Variants in SLIT3 observed in about 807,000 individuals in gnomAD.
The protein encoded by SLIT3 is slit guidance ligand 3, also known as slit homolog 3 protein.
Under a neutral mutation model 184.0 loss-of-function variants are expected in SLIT3, and 68 were observed. The observed-to-expected ratio is 0.37, with a 90% CI of 0.30 to 0.45. The LOEUF (loss-of-function observed/expected upper bound fraction) is 0.45, where lower values mean the gene tolerates loss of function less well. Among genes scored for constraint, SLIT3 ranks in the 20% least tolerant of loss-of-function variants. The probability of loss-of-function intolerance (pLI) is 1.00; values close to 1 mark genes in which losing one functional copy is unlikely to be tolerated. For synonymous variants in SLIT3, 831 were observed against 828.6 expected, an observed-to-expected ratio of 1.00 and a Z score of -0.05; for missense variants, 1,707 against 2,026.0, an observed-to-expected ratio of 0.84 and a Z score of 3.02.
At chr5:168,962,024 T>C (rs920578593) in intron 4 of SLIT3, among the ~76,000 whole-genome samples, 7 of 152,112 alleles carry the variant, frequency 4.6e-5, no homozygotes, top group Non-Finnish European at 1.0e-4. Flanking sequence ...TCCTCCACGG[T>C]ACAGAATTGC....
intron 4 of SLIT3, among the ~76,000 whole-genome samples, chr5:168,888,480 T>C (rs1036096005): frequency 6.6e-6 from 1 of 152,210 alleles, no homozygotes; most frequent in African/African-American, 2.4e-5. Context: ...CCCCAAAGTA[T>C]TCCTAAGAAG....
At chr5:169,082,098 C>T (rs1034071086) in intron 4 of SLIT3, among the ~76,000 whole-genome samples, 2 of 152,198 alleles carry the variant, frequency 1.3e-5, no homozygotes, top group African/African-American at 2.4e-5. Context: ...GAAAACAACT[C>T]GGAGAGGTGT....
chr5:168,821,925 CT>C (rs1175129038), intron 7 of SLIT3, among the ~76,000 whole-genome samples: 1 of 152,156 alleles, frequency 6.6e-6, no homozygotes, highest in African/African-American at 2.4e-5. Flanking sequence ...CTTCTTTGGT[CT>C]TTGTTTTATC....
chr5:169,198,977 T>C (rs297848), intron 3 of SLIT3, among the ~76,000 whole-genome samples: 22,332 of 109,178 alleles, frequency 0.2, 1,933 homozygotes, highest in East Asian at 0.48. Flanking sequence ...CACACACACA[T>C]ATGTGTGTAT....
chr5:169,195,439 G>A (rs575190917), intron 3 of SLIT3, among the ~76,000 whole-genome samples: 82 of 152,352 alleles, frequency 5.4e-4, no homozygotes, highest in African/African-American at 1.8e-3. Context: ...AGCCATCCAC[G>A]AGACTCCTGA....
At chr5:168,865,218 T>C (rs1159299699) in intron 5 of SLIT3, among the ~76,000 whole-genome samples, 1 of 84,140 alleles carries the variant, frequency 1.2e-5, no homozygotes, top group Non-Finnish European at 2.7e-5. Context: ...GGAAAAAAAA[T>C]AAAATCACTC....
chr5:169,168,089 C>T (rs1249781821), intron 4 of SLIT3, among the ~76,000 whole-genome samples: 1 of 152,152 alleles, frequency 6.6e-6, no homozygotes, highest in Non-Finnish European at 1.5e-5. Flanking sequence ...TGTGGGAGCT[C>T]CTCCCCATCT....
intron 4 of SLIT3, among the ~76,000 whole-genome samples, chr5:168,996,476 C>T (rs1270970285): frequency 1.3e-5 from 2 of 152,170 alleles, no homozygotes; most frequent in African/African-American, 4.8e-5. Flanking sequence ...CCCCCTGCCC[C>T]AAACCTATGC....
intron 3 of SLIT3, among the ~76,000 whole-genome samples, chr5:169,221,302 C>T (rs982322421): frequency 2.6e-5 from 4 of 152,306 alleles, no homozygotes; most frequent in East Asian, 3.9e-4. Flanking sequence ...TCAGAAAATT[C>T]GTGCTTTCTC....
At chr5:169,240,912 A>G (rs918822446) in intron 3 of SLIT3, among the ~76,000 whole-genome samples, 3 of 151,460 alleles carry the variant, frequency 2.0e-5, no homozygotes, top group Non-Finnish European at 4.4e-5. Context: ...ACAGATTTCA[A>G]CATACATCTT....
At chr5:169,162,125 T>C (rs893521915) in intron 4 of SLIT3, among the ~76,000 whole-genome samples, 6 of 152,218 alleles carry the variant, frequency 3.9e-5, no homozygotes, top group Admixed American at 3.9e-4. Context: ...TTGAGAGTTC[T>C]AGAAACTTGC....
chr5:168,906,640 A>C (rs1416328331), intron 4 of SLIT3, among the ~76,000 whole-genome samples: 1 of 152,142 alleles, frequency 6.6e-6, no homozygotes, highest in African/African-American at 2.4e-5. Context: ...GGAATCTTCT[A>C]TATATATATT....
intron 4 of SLIT3, among the ~76,000 whole-genome samples, chr5:169,117,971 G>C (rs1311743326): frequency 6.6e-6 from 1 of 152,142 alleles, no homozygotes; most frequent in Non-Finnish European, 1.5e-5. Context: ...ACAATGTTAT[G>C]GTTGTCACAT....
intron 4 of SLIT3, among the ~76,000 whole-genome samples, chr5:169,013,631 C>G (rs987538926): frequency 6.6e-6 from 1 of 152,260 alleles, no homozygotes; most frequent in South Asian, 2.1e-4. Flanking sequence ...CTCTTACGCC[C>G]GTTCTGAGAT....
chr5:169,261,848 G>A (rs1469029585), intron 1 of SLIT3, among the ~76,000 whole-genome samples: 2 of 152,198 alleles, frequency 1.3e-5, no homozygotes, highest in Non-Finnish European at 2.9e-5. Flanking sequence ...GGACGGCAAT[G>A]CCCGTCTTGC....
At chr5:169,154,292 CA>C (rs1762226349) in intron 4 of SLIT3, among the ~76,000 whole-genome samples, 21 of 152,300 alleles carry the variant, frequency 1.4e-4, no homozygotes, top group African/African-American at 4.1e-4. Context: ...CTCTGGGTAA[CA>C]TAGACTCTTA....
intron 4 of SLIT3, among the ~76,000 whole-genome samples, chr5:169,003,813 G>T (rs1755809581): frequency 6.6e-6 from 1 of 151,996 alleles, no homozygotes; most frequent in Non-Finnish European, 1.5e-5. Context: ...ACTAATGTTG[G>T]GGTTGTGGCT....
intron 4 of SLIT3, among the ~76,000 whole-genome samples, chr5:168,937,642 A>G (rs945495225): frequency 1.3e-5 from 2 of 152,140 alleles, no homozygotes; most frequent in Non-Finnish European, 2.9e-5. Context: ...GGAAGCAACT[A>G]GGATGGTGGT....
At chr5:168,844,276 T>C (rs1229409365) in intron 6 of SLIT3, among the ~76,000 whole-genome samples, 2 of 152,092 alleles carry the variant, frequency 1.3e-5, no homozygotes, top group African/African-American at 4.8e-5. Context: ...GCCCATCTGT[T>C]TCTCCCAGCA....
Sources: allele counts gnomAD v4.1 joint callset (sites outside exome capture counted in the v4.1 genomes callset), GRCh38; gene constraint gnomAD v4.1.1; transcripts MANE v1.5; gene names NCBI Gene and HGNC (gene_info 2026-07-23, HGNC 2026-07-21).